Variants in PLS3 observed in about 807,000 individuals in gnomAD.
PLS3 encodes the protein plastin 3.
Under a neutral mutation model 46.5 loss-of-function variants are expected in PLS3, and 11 were observed. The observed-to-expected ratio is 0.24, with a 90% confidence interval of 0.15 to 0.39. The LOEUF is 0.39. Ranked by LOEUF, PLS3 falls within the 10% of genes least tolerant of loss-of-function variation. The pLI is 1.00. For synonymous variants in PLS3, 167 were observed against 162.2 expected (o/e 1.03, Z -0.22); for missense variants, 308 against 461.8 (o/e 0.67, Z 3.05).
chrX:115,567,217 T>A (rs183066682), intron 1 of PLS3, among the ~76,000 whole-genome samples: 1 of 111,411 alleles, frequency 9.0e-6, no homozygotes, highest in East Asian at 2.8e-4. Flanking sequence ...TCCTCATAAT[T>A]GCAGTCTAAA....
intron 8 of PLS3, among the ~76,000 whole-genome samples, chrX:115,637,492 A>T (rs782602175): frequency 8.9e-6 from 1 of 111,888 alleles, no homozygotes; most frequent in African/African-American, 3.2e-5. Flanking sequence ...ACTAAAGCCA[A>T]CTTAAAACAT....
At chrX:115,644,552 G>A (rs1432852494) in intron 10 of PLS3, among the ~76,000 whole-genome samples, 3 of 110,395 alleles carry the variant, frequency 2.7e-5, no homozygotes, top group Admixed American at 9.8e-5. Flanking sequence ...AGCTGAGATC[G>A]TGCCATTGCA....
At chrX:115,608,791 C>T (rs150483096) in intron 1 of PLS3, among the ~76,000 whole-genome samples, 52 of 111,419 alleles carry the variant, frequency 4.7e-4, no homozygotes, top group Middle Eastern at 4.6e-3. Context: ...GGTTTGTGTA[C>T]GTGCACTCTT....
intron 1 of PLS3, among the ~76,000 whole-genome samples, chrX:115,566,096 G>A (rs1178113622): frequency 8.9e-6 from 1 of 112,118 alleles, no homozygotes; most frequent in Non-Finnish European, 1.9e-5. Context: ...AGTGAGAAAC[G>A]TGAAGCCTTG....
intron 1 of PLS3, among the ~76,000 whole-genome samples, chrX:115,573,357 A>G (rs1156802873): frequency 8.9e-6 from 1 of 112,073 alleles, no homozygotes; most frequent in African/African-American, 3.2e-5. Flanking sequence ...TCAGCCTACA[A>G]ATGAAGGTCA....
intron 1 of PLS3, among the ~76,000 whole-genome samples, chrX:115,597,660 T>C (rs1221382097): frequency 8.9e-6 from 1 of 112,153 alleles, no homozygotes; most frequent in Admixed American, 9.5e-5. Context: ...CATGATATGG[T>C]TTTGTTCTAT....
intron 2 of PLS3, chrX:115,614,104 A>C: frequency 8.7e-6 from 1 of 115,266 alleles, no homozygotes; most frequent in Non-Finnish European, 1.8e-5. Context: ...GTGGCAGACT[A>C]CAGGCGCCTG....
At chrX:115,565,633 A>C (rs1174029038) in intron 1 of PLS3, among the ~76,000 whole-genome samples, 1 of 112,133 alleles carries the variant, frequency 8.9e-6, no homozygotes, top group African/African-American at 3.2e-5. Context: ...AATATTCATA[A>C]TCTGGCTTAT....
At chrX:115,595,595 T>C (rs1556633723) in intron 1 of PLS3, among the ~76,000 whole-genome samples, 1 of 110,802 alleles carries the variant, frequency 9.0e-6, no homozygotes. Context: ...TGGGTGTTTT[T>C]TGTGCTATTT....
At chrX:115,578,692 A>C (rs1165214029) in intron 1 of PLS3, among the ~76,000 whole-genome samples, 5 of 80,119 alleles carry the variant, frequency 6.2e-5, no homozygotes, top group African/African-American at 2.6e-4. Flanking sequence ...GCCACTGCAC[A>C]AAAAAAAAAA....
intron 2 of PLS3, chrX:115,614,520 G>A: frequency 4.0e-6 from 3 of 752,458 alleles, no homozygotes; most frequent in Non-Finnish European, 4.7e-6. Flanking sequence ...TTGCTGCAGT[G>A]AGCTACCTCA....
chrX:115,613,194 G>GT lies in PLS3; in HGVS notation c.73+2877dup, dbSNP rs1314306594. On this transcript the variant is annotated intron_variant, in intron 2 of 15. Transcript: ENST00000355899. ...TCCCTCCTGAGCACTCACTACTGAG[G>GT]TTTTTTAAACATGAATTCAGCACTT... Among the ~76,000 whole-genome samples the GT allele has an allele frequency of 3.6e-5, 4 of 111,100 alleles. No homozygotes were observed. The East Asian group carries it at 1.1e-3, about 32-fold the overall frequency.
intron 1 of PLS3, among the ~76,000 whole-genome samples, chrX:115,592,947 C>T (rs990229999): frequency 6.3e-5 from 7 of 111,399 alleles, no homozygotes; most frequent in Non-Finnish European, 1.3e-4. Context: ...TGAGATATTT[C>T]GGTTCAGCAA....
At chrX:115,561,816 G>T (rs782304139) in intron 1 of PLS3, among the ~76,000 whole-genome samples, 1 of 111,612 alleles carries the variant, frequency 9.0e-6, no homozygotes, top group African/African-American at 3.3e-5. Flanking sequence ...GAGAGGGGGG[G>T]CCGTGGCCGA....
chrX:115,645,897 T>A (rs1168202997), intron 11 of PLS3, among the ~76,000 whole-genome samples, 175 bp from the exon 12 acceptor site: 2 of 111,952 alleles, frequency 1.8e-5, no homozygotes, highest in South Asian at 7.4e-4. Flanking sequence ...TAAATACTTA[T>A]AAATGAATGG....
chrX:115,570,171 G>A (rs146820652), intron 1 of PLS3, among the ~76,000 whole-genome samples: 3,681 of 110,362 alleles, frequency 0.033, 149 homozygotes, highest in African/African-American at 0.12. Context: ...TCTTGACCTC[G>A]TGATCCACCT....
At chrX:115,632,898 AT>A (rs1203178380) in intron 5 of PLS3, among the ~76,000 whole-genome samples, 8 of 106,898 alleles carry the variant, frequency 7.5e-5, no homozygotes, top group East Asian at 2.9e-4. Context: ...TGCCTAGCTA[AT>A]TTTTTTTTTA....
intron 2 of PLS3, among the ~76,000 whole-genome samples, chrX:115,615,052 G>A (rs2074583845): frequency 9.1e-6 from 1 of 110,286 alleles, no homozygotes; most frequent in Non-Finnish European, 1.9e-5. Context: ...ACACACACAC[G>A]CATACACACA....
intron 8 of PLS3, chrX:115,640,199 C>T: frequency 4.7e-6 from 4 of 859,466 alleles, no homozygotes; most frequent in East Asian, 3.4e-5. Flanking sequence ...ATTGCGAAGT[C>T]ATGTCAAAAT....
Sources: allele counts gnomAD v4.1 joint callset (sites outside exome capture counted in the v4.1 genomes callset), GRCh38; gene constraint gnomAD v4.1.1; transcripts MANE v1.5; gene names NCBI Gene and HGNC (gene_info 2026-07-23, HGNC 2026-07-21).